Variants in DPP6 observed in about 807,000 individuals in gnomAD.
DPP6 encodes dipeptidyl peptidase like 6, also known as A-type potassium channel modulatory protein DPP6.
Under a neutral mutation model 122.6 loss-of-function variants are expected in DPP6, and 69 were observed. The observed-to-expected ratio is 0.56, with a 90% confidence interval of 0.46 to 0.69. The LOEUF is 0.69. DPP6 is among the 30% of genes least tolerant of loss of function. DPP6 has a pLI of 0.00. For synonymous variants in DPP6, 418 were observed against 433.1 expected (o/e 0.97, Z 0.43); for missense variants, 928 against 1,116.9 (o/e 0.83, Z 2.41).
At chr7:154,251,827 T>A (rs1802366741) in intron 1 of DPP6, among the ~76,000 whole-genome samples, 1 of 152,056 alleles carries the variant, frequency 6.6e-6, no homozygotes, top group African/African-American at 2.4e-5. Context: ...GTTGATTACA[T>A]CCAATGGTGC....
At chr7:154,244,523 A>G (rs981510754) in intron 1 of DPP6, among the ~76,000 whole-genome samples, 5 of 152,148 alleles carry the variant, frequency 3.3e-5, no homozygotes, top group African/African-American at 1.2e-4. Flanking sequence ...TTTCTTGAAG[A>G]CACCTGACTG....
At chr7:154,852,972 G>A (rs1802529016) in intron 16 of DPP6, among the ~76,000 whole-genome samples, 1 of 152,232 alleles carries the variant, frequency 6.6e-6, no homozygotes, top group African/African-American at 2.4e-5. Context: ...GAACAAGCCT[G>A]ACATGCCTCC....
At chr7:154,278,336 T>C (rs1405118082) in intron 1 of DPP6, among the ~76,000 whole-genome samples, 1 of 152,226 alleles carries the variant, frequency 6.6e-6, no homozygotes, top group Non-Finnish European at 1.5e-5. Context: ...TAAATGACTT[T>C]CATTTGCTGT....
At chr7:154,421,250 C>T (rs1264141743) in intron 1 of DPP6, among the ~76,000 whole-genome samples, 2 of 151,980 alleles carry the variant, frequency 1.3e-5, no homozygotes, top group African/African-American at 2.4e-5. Flanking sequence ...TGTTGTGTGA[C>T]TGCCATACTG....
chr7:153,800,063 A>G, the DPP6 span, among the ~76,000 whole-genome samples: 2 of 152,164 alleles, frequency 1.3e-5, no homozygotes, highest in African/African-American at 4.8e-5. Context: ...CTGTAATCCC[A>G]CTGCTGGGAA....
chr7:154,567,027 C>T (rs1192384915), intron 5 of DPP6, 111 bp downstream of exon 5: 13 of 778,370 alleles, frequency 1.7e-5, no homozygotes, highest in Non-Finnish European at 2.5e-5. Flanking sequence ...TCCAGAAATA[C>T]TTTGTACATC....
intron 1 of DPP6, among the ~76,000 whole-genome samples, chr7:154,360,378 G>A (rs896518616): frequency 2.6e-5 from 4 of 152,040 alleles, no homozygotes; most frequent in Admixed American, 6.6e-5. Flanking sequence ...TCCTTTCACA[G>A]CAACAATTTC....
chr7:154,100,643 C>G lies in DPP6; in HGVS notation c.243+47580C>G, dbSNP rs1382433385. 4.6e-5 allele frequency among the ~76,000 whole-genome samples: 4 copies of G among 86,708 alleles called. 1 individual carries two copies. Among genetic ancestry groups the G allele is most frequent in the African/African-American group, 2.4e-4 (4 of 16,656 alleles). 56.9% of individuals were successfully genotyped at this position (86,708 alleles called of 152,430 possible). A position where few individuals can be genotyped will look rare whatever the true frequency, so the allele number is the denominator to read the frequency against. On this transcript the variant is annotated intron_variant, in intron 1 of 25. Coordinates refer to ENST00000377770, the MANE Select transcript of DPP6 (RefSeq NM_130797.4). Reference sequence around the variant, plus strand: ...GCTCTGGCCTTCCGAGGCTTCCGCACTGCTGGCAGATGCTCCCCACGTCCC... The same window carrying G: ...GCTCTGGCCTTCCGAGGCTTCCGCAGTGCTGGCAGATGCTCCCCACGTCCC...
chr7:153,882,641 A>C (rs1326858454), upstream of DPP6, among the ~76,000 whole-genome samples: 1 of 152,238 alleles, frequency 6.6e-6, no homozygotes, highest in Non-Finnish European at 1.5e-5. Context: ...AAGGATCGAC[A>C]CCACCAATGG....
At chr7:154,633,899 A>G (rs1401354446) in intron 5 of DPP6, among the ~76,000 whole-genome samples, 1 of 152,150 alleles carries the variant, frequency 6.6e-6, no homozygotes, top group African/African-American at 2.4e-5. Flanking sequence ...TTGTATCAAC[A>G]GTGTGTTCTG....
At chr7:154,826,298 T>C (rs961114017) in intron 16 of DPP6, among the ~76,000 whole-genome samples, 5 of 152,226 alleles carry the variant, frequency 3.3e-5, no homozygotes, top group Admixed American at 2.6e-4. Flanking sequence ...CCACTCTTTA[T>C]CTTCTAGACA....
At chr7:154,819,396 C>T (rs10260618) in intron 16 of DPP6, among the ~76,000 whole-genome samples, 2,138 of 152,240 alleles carry the variant, frequency 0.014, 47 homozygotes, top group African/African-American at 0.049. Context: ...GCGTGGGCAA[C>T]AAGAGTGAAA....
At chr7:154,042,754 T>A (rs1799827701) in intron 1 of DPP6, among the ~76,000 whole-genome samples, 1 of 152,218 alleles carries the variant, frequency 6.6e-6, no homozygotes, top group South Asian at 2.1e-4. Flanking sequence ...CATTTAGTGA[T>A]TATTTTTCCT....
At chr7:153,797,257 A>T in the DPP6 span, among the ~76,000 whole-genome samples, 10 of 152,318 alleles carry the variant, frequency 6.6e-5, 1 homozygote, top group South Asian at 2.1e-3. Flanking sequence ...GTGTTAAGCT[A>T]CTGAATTTGG....
intron 5 of DPP6, among the ~76,000 whole-genome samples, chr7:154,589,017 T>A (rs999177283): frequency 3.3e-5 from 5 of 152,184 alleles, no homozygotes; most frequent in Non-Finnish European, 7.4e-5. Context: ...AATTTTTATC[T>A]TGTGATTTCA....
In DPP6 at chr7:154,892,569, GC is replaced by G. The variant is rs1194235699; in HGVS notation, c.*90del. ...CTGCCCTCCCTCTTCCCTCGGAGGG[GC>G]GGGGCGGGGCGGGGCCGGGTGTTCC... On this transcript the variant is annotated 3_prime_UTR_variant, in exon 26 of 26. Coordinates refer to ENST00000377770, the MANE Select transcript of DPP6 (RefSeq NM_130797.4). 1.3e-6 allele frequency: 2 copies of G among 1,550,886 alleles called. No homozygotes were observed. The highest frequency in any genetic ancestry group is 2.7e-5 in the African/African-American group (2 of 73,788).
chr7:154,164,180 TCCCTG>T lies in DPP6; in HGVS notation c.243+111138_243+111142del, dbSNP rs541105536. Among the ~76,000 whole-genome samples, 172 of 148,518 alleles carry T rather than the reference TCCCTG, an allele frequency of 1.2e-3. 2 individuals carry two copies. Among genetic ancestry groups the T allele is most frequent in the African/African-American group, 4.4e-3 (168 of 38,294 alleles). ...TGTTCTGACTATGGTCTAAGAGTCT[TCCCTG>T]CCCTGCCCTGCCCTGCCCTGACCTG... On this transcript the variant is annotated intron_variant, in intron 1 of 25. Coordinates refer to ENST00000377770, the MANE Select transcript of DPP6 (RefSeq NM_130797.4).
chr7:154,042,995 G>A (rs2129058466), intron 1 of DPP6, among the ~76,000 whole-genome samples: 1 of 152,298 alleles, frequency 6.6e-6, no homozygotes, highest in South Asian at 2.1e-4. Context: ...AATCCAAGCA[G>A]GCTGCCTTCC....
chr7:154,832,778 ACTG>A (rs1254022878), intron 16 of DPP6, among the ~76,000 whole-genome samples: 11 of 152,238 alleles, frequency 7.2e-5, no homozygotes, highest in African/African-American at 2.7e-4. Context: ...GCACTGCAGT[ACTG>A]CACATTTGTG....
Sources: allele counts gnomAD v4.1 joint callset (sites outside exome capture counted in the v4.1 genomes callset), GRCh38; gene constraint gnomAD v4.1.1; transcripts MANE v1.5; gene names NCBI Gene and HGNC (gene_info 2026-07-23, HGNC 2026-07-21).